Variants in LINGO2 observed in about 807,000 individuals in gnomAD.
LINGO2 encodes the protein leucine-rich repeat and immunoglobulin-like domain-containing nogo receptor-interacting protein 2.
Under a neutral mutation model 30.6 loss-of-function variants are expected in LINGO2, and 14 were observed. The ratio of observed to expected loss-of-function variants is 0.46; its 90% CI spans 0.30 to 0.72. LINGO2 has a LOEUF of 0.72. Ranked by LOEUF, LINGO2 falls within the 30% of genes least tolerant of loss-of-function variation. LINGO2 has a pLI of 0.07. For missense variants in LINGO2, 729 were observed against 751.7 expected (o/e 0.97, Z 0.35); for synonymous variants, 317 against 288.5 (o/e 1.10, Z -1.00).
intron 3 of LINGO2, among the ~76,000 whole-genome samples, chr9:28,364,649 T>C (rs1397866149): frequency 6.6e-6 from 1 of 152,248 alleles, no homozygotes; most frequent in African/African-American, 2.4e-5. Context: ...AGATATAAAC[T>C]TAGACTCTTG....
chr9:29,118,916 A>G, the LINGO2 span, among the ~76,000 whole-genome samples: 1 of 152,064 alleles, frequency 6.6e-6, no homozygotes, highest in Non-Finnish European at 1.5e-5. Flanking sequence ...GCTGACCTCA[A>G]TCCCTACTGT....
the LINGO2 span, among the ~76,000 whole-genome samples, chr9:29,145,919 A>T: frequency 6.5e-3 from 996 of 152,290 alleles, 15 homozygotes; most frequent in African/African-American, 0.023. Flanking sequence ...TGTGCATGTA[A>T]GTTATATATG....
At chr9:28,395,317 T>C (rs1821994819) in intron 2 of LINGO2, among the ~76,000 whole-genome samples, 1 of 152,188 alleles carries the variant, frequency 6.6e-6, no homozygotes, top group African/African-American at 2.4e-5. Context: ...GCTTCATCAA[T>C]TAAATTCAGT....
chr9:28,069,499 T>A (rs955330297), intron 4 of LINGO2, among the ~76,000 whole-genome samples: 2 of 152,114 alleles, frequency 1.3e-5, no homozygotes, highest in African/African-American at 4.8e-5. Context: ...TTTCAACTAA[T>A]CCTTCTGTTT....
At chr9:28,815,851 T>C in the LINGO2 span, among the ~76,000 whole-genome samples, 2 of 152,330 alleles carry the variant, frequency 1.3e-5, no homozygotes, top group African/African-American at 4.8e-5. Context: ...ATCCCCACCT[T>C]AGTCTTGCCA....
intron 4 of LINGO2, among the ~76,000 whole-genome samples, chr9:28,027,442 T>C (rs1823436733): frequency 1.3e-5 from 2 of 152,024 alleles, no homozygotes; most frequent in Non-Finnish European, 2.9e-5. Context: ...TGCCAGTTTA[T>C]TGAACTACAC....
chr9:29,081,713 C>T, the LINGO2 span, among the ~76,000 whole-genome samples: 30,015 of 151,956 alleles, frequency 0.2, 3,111 homozygotes, highest in African/African-American at 0.24. Context: ...CTCCTTAAGC[C>T]GATAGGCAAC....
chr9:28,491,540 G>A (rs1447397469), intron 1 of LINGO2, among the ~76,000 whole-genome samples: 1 of 152,152 alleles, frequency 6.6e-6, no homozygotes, highest in African/African-American at 2.4e-5. Flanking sequence ...TTCGGAGTAA[G>A]TATTCTTTTT....
chr9:28,471,387 T>C (rs1436585396), intron 2 of LINGO2, among the ~76,000 whole-genome samples: 3 of 152,282 alleles, frequency 2.0e-5, no homozygotes, highest in East Asian at 3.9e-4. Flanking sequence ...TGGTAAATTA[T>C]CCAGTCACTT....
At chr9:28,112,081 C>A (rs1337069998) in intron 4 of LINGO2, among the ~76,000 whole-genome samples, 1 of 100,566 alleles carries the variant, frequency 9.9e-6, no homozygotes, top group African/African-American at 3.9e-5. Context: ...CACCACAGTC[C>A]CCAGAGTGTG....
intron 1 of LINGO2, among the ~76,000 whole-genome samples, chr9:28,555,682 G>C (rs181624106): frequency 6.6e-6 from 1 of 151,972 alleles, no homozygotes; most frequent in Non-Finnish European, 1.5e-5. Flanking sequence ...AAGCCGGGCC[G>C]AGACACAACC....
chr9:28,595,427 A>G (rs1009029060), intron 1 of LINGO2, among the ~76,000 whole-genome samples: 1 of 152,092 alleles, frequency 6.6e-6, no homozygotes, highest in African/African-American at 2.4e-5. Context: ...ACCTCCCTCC[A>G]AATCATTGAA....
chr9:27,975,404 C>A (rs1041481179), intron 5 of LINGO2, among the ~76,000 whole-genome samples: 1 of 151,718 alleles, frequency 6.6e-6, no homozygotes, highest in Non-Finnish European at 1.5e-5. Context: ...AATGGGGGGG[C>A]TGGGGTTGAG....
At chr9:28,044,848 C>T (rs1333778838) in intron 4 of LINGO2, among the ~76,000 whole-genome samples, 1 of 152,088 alleles carries the variant, frequency 6.6e-6, no homozygotes, top group Non-Finnish European at 1.5e-5. Flanking sequence ...GCTGAAAGTG[C>T]AGGGGTGGTT....
chr9:28,105,925 C>T (rs1446613219), intron 4 of LINGO2, among the ~76,000 whole-genome samples: 5 of 151,996 alleles, frequency 3.3e-5, no homozygotes, highest in Non-Finnish European at 2.9e-5. Flanking sequence ...GTCCCCAGTA[C>T]CCAAGTCATA....
chr9:28,470,740 T>C (rs1825485997), intron 2 of LINGO2, among the ~76,000 whole-genome samples: 1 of 152,058 alleles, frequency 6.6e-6, no homozygotes, highest in African/African-American at 2.4e-5. Context: ...AATTGATAGA[T>C]TATAATGTAT....
At chr9:28,454,893 A>G (rs1824786673) in intron 2 of LINGO2, among the ~76,000 whole-genome samples, 1 of 152,082 alleles carries the variant, frequency 6.6e-6, no homozygotes, top group African/African-American at 2.4e-5. Context: ...TAACAAAAAA[A>G]TACTACTTAA....
the LINGO2 span, among the ~76,000 whole-genome samples, chr9:29,139,523 T>A: frequency 6.6e-6 from 1 of 152,080 alleles, no homozygotes; most frequent in Non-Finnish European, 1.5e-5. Context: ...GATAGGAAGA[T>A]GGCAAAATAT....
At chr9:28,178,607 G>A (rs927151046) in intron 4 of LINGO2, among the ~76,000 whole-genome samples, 6 of 152,166 alleles carry the variant, frequency 3.9e-5, no homozygotes, top group Admixed American at 2.6e-4. Context: ...CAATGTTCAC[G>A]GAACATTTTG....
Sources: allele counts gnomAD v4.1 joint callset (sites outside exome capture counted in the v4.1 genomes callset), GRCh38; gene constraint gnomAD v4.1.1; transcripts MANE v1.5; gene names NCBI Gene and HGNC (gene_info 2026-07-23, HGNC 2026-07-21).